TXNDC2: variants seen among roughly 807,000 people sequenced by gnomAD.
TXNDC2 encodes the protein thioredoxin domain-containing protein 2.
Under a neutral mutation model 0.4 loss-of-function variants are expected in TXNDC2, and 1 was observed. The ratio of observed to expected loss-of-function variants is 2.30; its 90% CI spans 0.82 to 10.89. The LOEUF (loss-of-function observed/expected upper bound fraction) is 10.89, where lower values mean the gene tolerates loss of function less well. Ranked by LOEUF, TXNDC2 falls within the 30% of genes most tolerant of loss-of-function variation. The pLI, the probability that TXNDC2 is intolerant of heterozygous loss-of-function variation, is 0.12. For synonymous variants in TXNDC2, 183 were observed against 224.6 expected (o/e 0.81, Z 1.66); for missense variants, 509 against 579.8 (o/e 0.88, Z 1.25).
chr18:9,887,769 G>A lies in TXNDC2; in HGVS notation c.1089G>A (p.Lys363=), dbSNP rs755242030. ...CCCTAGAAGAAGCCACCCCATCCAA[G>A]GAGGGTGACATCCTAAAGCCTGAAG... ...PKSLEEATPS[K]EGDILKPEEE... Residue 363 remains lysine, a synonymous_variant, in exon 2 of 2, where the codon AAG becomes AAA. Transcript: ENST00000357775. 4 of 1,613,814 alleles carry A rather than the reference G, an allele frequency of 2.5e-6. No homozygotes were observed. In the South Asian group the frequency reaches 4.4e-5, roughly 18 times the overall value.
Position 9,887,937 on chromosome 18 carries a change from C to A in TXNDC2, c.1257C>A (p.Ile419=). The A allele has an allele frequency of 6.2e-7, 1 of 1,614,206 alleles. No individual in the cohort carries two copies. Among genetic ancestry groups the A allele is most frequent in the Non-Finnish European group, 8.5e-7 (1 of 1,180,040 alleles). Reference sequence around the variant, plus strand: ...CGTGGTGTGGGCCCTGCAGGACCATCAGACCATTCTTCCATGCCCTGTCTG... The same window carrying A: ...CGTGGTGTGGGCCCTGCAGGACCATAAGACCATTCTTCCATGCCCTGTCTG... ...SATWCGPCRT[I]RPFFHALSVK... The change falls in exon 2 of 2, where the codon ATC becomes ATA. Residue 419 remains isoleucine, a synonymous_variant. Transcript: ENST00000357775.
intron 1 of TXNDC2, 99 bp downstream of exon 1, chr18:9,886,179 A>T (rs1317311790): frequency 6.2e-7 from 1 of 1,613,948 alleles, no homozygotes; most frequent in South Asian, 1.1e-5. Context: ...TCAGGAATGG[A>T]TGTAGACAAG....
rs747996682 is a variant in TXNDC2, at chr18:9,887,594, G to A, written c.914G>A (p.Gly305Asp). 5 of 1,602,386 alleles carry A rather than the reference G, an allele frequency of 3.1e-6. No homozygotes were observed. The Admixed American group carries it at 8.6e-5, about 28-fold the overall frequency. The change falls in exon 2 of 2, where the codon GGT becomes GAT. Residue 305 changes from glycine (G) to aspartate (D), a missense_variant. Coordinates refer to ENST00000357775, the MANE Select transcript of TXNDC2 (RefSeq NM_032243.6). ...SPEEAIQPKE[G>D]DIPKSPKQAI... Reference sequence around the variant, plus strand: ...GAAGAAGCCATCCAGCCCAAGGAGGGTGACATTCCCAAGTCTCCAAAACAA... The same window carrying A: ...GAAGAAGCCATCCAGCCCAAGGAGGATGACATTCCCAAGTCTCCAAAACAA...
At position 9,886,249 on chromosome 18, in the gene TXNDC2, C is replaced by A. The variant is rs372907176; in HGVS notation, c.-93+169C>A. ...CTGGAAAACCAGAAATGAGGCTGGG[C>A]ACTCAGGAAGAAACAAGTGAAGGTG... On this transcript the variant is annotated intron_variant, in intron 1 of 1. Coordinates refer to ENST00000357775, the MANE Select transcript of TXNDC2 (RefSeq NM_032243.6). 10 of 1,613,840 alleles carry A rather than the reference C, an allele frequency of 6.2e-6. No individual in the cohort carries two copies. In the African/African-American group the frequency reaches 1.2e-4, roughly 19 times the overall value.
Position 9,887,690 on chromosome 18 carries a change from T to G in TXNDC2, c.1010T>G (p.Ile337Ser). 6.2e-7 allele frequency: 1 copy of G among 1,612,304 alleles called. No individual in the cohort carries two copies. Among genetic ancestry groups the G allele is most frequent in the South Asian group, 1.1e-5 (1 of 90,960 alleles). The change falls in exon 2 of 2, where the codon ATC becomes AGC. Residue 337 changes from isoleucine to serine, a missense_variant. Ile to Ser is a moderately radical substitution (Grantham distance 142, BLOSUM62 -2). Coordinates refer to ENST00000357775, the MANE Select transcript of TXNDC2 (RefSeq NM_032243.6). ...EEAIPPKEID[I>S]PKSPEETIQP... ...GCCATCCCACCCAAGGAGATTGACATCCCCAAGTCCCCAGAAGAAACCATC... is the reference window on the plus strand; with the variant it reads ...GCCATCCCACCCAAGGAGATTGACAGCCCCAAGTCCCCAGAAGAAACCATC...
chr18:9,887,420 T>C lies in TXNDC2; in HGVS notation c.740T>C (p.Ile247Thr). 4.8e-6 allele frequency: 5 copies of C among 1,035,698 alleles called. No individual in the cohort carries two copies. The highest frequency in any genetic ancestry group is 6.7e-6 in the Non-Finnish European group (5 of 750,976). 64.2% of individuals were successfully genotyped at this position (1,035,698 alleles called of 1,614,324 possible). A position where few individuals can be genotyped will look rare whatever the true frequency, so the allele number is the denominator to read the frequency against. The change falls in exon 2 of 2, where the codon ATC (isoleucine) becomes ACC (threonine). Residue 247 changes from isoleucine to threonine, a missense_variant. Physicochemically the swap from Ile to Thr is moderately conservative, Grantham distance 89 (BLOSUM62 -1). Coordinates refer to ENST00000357775, the MANE Select transcript of TXNDC2 (RefSeq NM_032243.6). Reference sequence around the variant, plus strand: ...GCCATCCAGCCCAAGGAGGGTGACATCCCCAAGTCCCCAGAAGAAGCCATC... The same window carrying C: ...GCCATCCAGCCCAAGGAGGGTGACACCCCCAAGTCCCCAGAAGAAGCCATC... ...EEAIQPKEGDIPKSPEEAIQP... is the reference protein window; with the variant it reads ...EEAIQPKEGDTPKSPEEAIQP...
At position 9,887,560 on chromosome 18, in the gene TXNDC2, A is replaced by T. The variant is rs1313964177; in HGVS notation, c.880A>T (p.Lys294Ter). The T allele has an allele frequency of 3.8e-6, 6 of 1,595,424 alleles. No individual in the cohort carries two copies. Among genetic ancestry groups the T allele is most frequent in the African/African-American group, 1.4e-5 (1 of 73,848 alleles). The stretch of plus-strand genomic sequence containing the variant: ...CCAGCCCAAGAAGGGTGACATCCCC[A>T]AGTCCCCAGAAGAAGCCATCCAGCC... ...TIQPKKGDIP[K>*]SPEEAIQPKE... The change falls in exon 2 of 2, where the codon AAG (lysine) becomes TAG (stop). Residue 294 changes from lysine to a stop codon, truncating the protein, a stop_gained. Coordinates refer to ENST00000357775, the MANE Select transcript of TXNDC2 (RefSeq NM_032243.6). LOFTEE classifies it low-confidence loss of function (END_TRUNC).
chr18:9,886,422 C>T (rs944131570), intron 1 of TXNDC2, 167 bp from the exon 2 acceptor site: 89 of 954,972 alleles, frequency 9.3e-5, no homozygotes, highest in Non-Finnish European at 1.9e-5. Context: ...GTTTGTCCTT[C>T]TGCTGAATGA....
rs776922166 is a variant in TXNDC2 at position 9,887,524 on chromosome 18, G to A, written c.844G>A (p.Glu282Lys). 2.0e-6 allele frequency: 3 copies of A among 1,538,208 alleles called. No individual in the cohort carries two copies. The highest frequency in any genetic ancestry group is 1.8e-5 in the Admixed American group (1 of 55,664). The change falls in exon 2 of 2, where the codon GAA becomes AAA. Residue 282 changes from glutamate (E) to lysine (K), a missense_variant. Coordinates refer to ENST00000357775, the MANE Select transcript of TXNDC2 (RefSeq NM_032243.6). ...GGAGGGTGACATCCCCAAGTCCCCA[G>A]AAGAAACCATCCAGCCCAAGAAGGG... ...PKEGDIPKSP[E>K]ETIQPKKGDI...
At chr18:9,886,201 G>A (rs755313305) in intron 1 of TXNDC2, 121 bp downstream of exon 1, 1 of 1,614,116 alleles carries the variant, frequency 6.2e-7, no homozygotes, top group Non-Finnish European at 8.5e-7. Flanking sequence ...AACTAGGAAT[G>A]GAAAGTGTTA....
rs766424738 is a variant in TXNDC2 at position 9,887,866 on chromosome 18, C to G, written c.1186C>G (p.Leu396Val). The change falls in exon 2 of 2, where the codon CTG (leucine) becomes GTG (valine). Residue 396 changes from leucine to valine, a missense_variant. Leu to Val is a conservative substitution (Grantham distance 32). Transcript: ENST00000357775. ...ILSKEDFEAS[L>V]KEAGERLVAV... ...GAGCAAGGAGGACTTTGAGGCATCA[C>G]TGAAGGAGGCCGGGGAGAGGCTGGT... 7.4e-6 allele frequency: 12 copies of G among 1,610,920 alleles called. No individual in the cohort carries two copies. The highest frequency in any genetic ancestry group is 1.0e-5 in the Non-Finnish European group (12 of 1,177,962).
At position 9,886,072 on chromosome 18, in the gene TXNDC2, C is replaced by T. The variant is rs182853845; in HGVS notation, c.-101C>T. On this transcript the variant is annotated 5_prime_UTR_variant, in exon 1 of 2. Coordinates refer to ENST00000357775, the MANE Select transcript of TXNDC2 (RefSeq NM_032243.6). Reference sequence around the variant, plus strand: ...AGAGGGAAAACCAACTGTAACGTGCCACCCAAATGTAAGTTTTACTCATAT... The same window carrying T: ...AGAGGGAAAACCAACTGTAACGTGCTACCCAAATGTAAGTTTTACTCATAT... The T allele has an allele frequency of 6.7e-6, 6 of 901,978 alleles. No homozygotes were observed. The Admixed American group carries it at 1.2e-4, about 18-fold the overall frequency. The allele number at this position is 901,978 out of a possible 1,614,324, so 55.9% of individuals were successfully genotyped here.
At position 9,887,812 on chromosome 18, in the gene TXNDC2, C is replaced by T. The variant is rs757510482; in HGVS notation, c.1132C>T (p.Pro378Ser). Residue 378 changes from proline to serine, a missense_variant, in exon 2 of 2, where the codon CCG becomes TCG. By Grantham distance (74) the Pro-to-Ser change is moderately conservative. Around this residue, in one of 5 missense-constraint regions of TXNDC2, gnomAD observed 229 missense variants for 243.8 expected, o/e 0.94. Coordinates refer to ENST00000357775, the MANE Select transcript of TXNDC2 (RefSeq NM_032243.6). ...GCCTGAAGAAGAAACAATGGAGTTC[C>T]CGGAGGGGGACAAGGTGAAAGTGAT... ...LKPEEETMEF[P>S]EGDKVKVILS... The T allele has an allele frequency of 1.1e-4, 171 of 1,611,346 alleles. No individual in the cohort carries two copies. The highest frequency in any genetic ancestry group is 1.4e-4 in the Non-Finnish European group (164 of 1,178,688).
chr18:9,886,390 A>T, intron 1 of TXNDC2, 199 bp from the exon 2 acceptor site: 2 of 1,071,562 alleles, frequency 1.9e-6, no homozygotes, highest in Non-Finnish European at 2.7e-6. Flanking sequence ...ATGTATACAG[A>T]AGATACGTGT....
chr18:9,886,620 G>A lies in TXNDC2; in HGVS notation c.-61G>A. 6.2e-7 allele frequency: 1 copy of A among 1,613,478 alleles called. No individual in the cohort carries two copies. The highest frequency in any genetic ancestry group is 8.5e-7 in the Non-Finnish European group (1 of 1,179,794). On this transcript the variant is annotated 5_prime_UTR_variant, in exon 2 of 2. Coordinates refer to ENST00000357775, the MANE Select transcript of TXNDC2 (RefSeq NM_032243.6). ...CATTACTAGTCCTGTCCAGCAACGT[G>A]CCTCTCCTGGCCCTAGAGTTCTTGG...
rs529675281 is a variant in TXNDC2, at chr18:9,888,899, C to G, written c.*758C>G. On this transcript the variant is annotated 3_prime_UTR_variant, in exon 2 of 2. Coordinates refer to ENST00000357775, the MANE Select transcript of TXNDC2 (RefSeq NM_032243.6). Reference sequence around the variant, plus strand: ...TTGAGTTCATAATACCTAGACCTTCCTCTGACTTTTTTACTTAAATTTGTT... The same window carrying G: ...TTGAGTTCATAATACCTAGACCTTCGTCTGACTTTTTTACTTAAATTTGTT... 1.6e-4 allele frequency: 25 copies of G among 152,248 alleles called. No homozygotes were observed. Among genetic ancestry groups the G allele is most frequent in the African/African-American group, 6.0e-4 (25 of 41,552 alleles). 9.4% of individuals were successfully genotyped at this position (152,248 alleles called of 1,614,324 possible).
In TXNDC2 at chr18:9,887,384, C is replaced by A; in HGVS notation, c.704C>A (p.Ser235Tyr). ...CCCAAGGAGGGTGACCTCCCCAAGTCCCTAGAGGAAGCCATCCAGCCCAAG... is the reference window on the plus strand; with the variant it reads ...CCCAAGGAGGGTGACCTCCCCAAGTACCTAGAGGAAGCCATCCAGCCCAAG... ...IQPKEGDLPKSLEEAIQPKEG... is the reference protein window; with the variant it reads ...IQPKEGDLPKYLEEAIQPKEG... Residue 235 changes from serine (S) to tyrosine (Y), a missense_variant, in exon 2 of 2, where the codon TCC becomes TAC. Ser to Tyr is a moderately radical substitution (Grantham distance 144, BLOSUM62 -2). Coordinates refer to ENST00000357775, the MANE Select transcript of TXNDC2 (RefSeq NM_032243.6). 2.0e-6 allele frequency: 3 copies of A among 1,489,010 alleles called. No homozygotes were observed. The highest frequency in any genetic ancestry group is 1.8e-6 in the Non-Finnish European group (2 of 1,095,056). 92.2% of individuals were successfully genotyped at this position (1,489,010 alleles called of 1,614,324 possible).
At chr18:9,886,320 T>A in intron 1 of TXNDC2, 2 of 1,579,942 alleles carry the variant, frequency 1.3e-6, no homozygotes, top group Non-Finnish European at 1.7e-6. Flanking sequence ...CTTAAAGACC[T>A]ATGCAGTTAG....
rs2068954525 is a variant in TXNDC2 at position 9,886,895 on chromosome 18, A to T, written c.215A>T (p.Glu72Val). 6.2e-7 allele frequency: 1 copy of T among 1,606,420 alleles called. No homozygotes were observed. Among genetic ancestry groups the T allele is most frequent in the Non-Finnish European group, 8.5e-7 (1 of 1,175,484 alleles). Residue 72 changes from glutamate to valine, a missense_variant, in exon 2 of 2, where the codon GAA becomes GTA. By Grantham distance (121) the Glu-to-Val change is moderately radical (BLOSUM62 -2). Coordinates refer to ENST00000357775, the MANE Select transcript of TXNDC2 (RefSeq NM_032243.6). ...SKKEDLPKSSEKAIQPKESNI... is the reference protein window; with the variant it reads ...SKKEDLPKSSVKAIQPKESNI... ...AAGGAGGACCTCCCCAAGTCCTCAG[A>T]AAAAGCCATCCAGCCCAAAGAGAGT...
Sources: allele counts gnomAD v4.1 joint callset, GRCh38; gene constraint gnomAD v4.1.1; regional missense constraint gnomAD v4.1.1; transcripts MANE v1.5; gene names NCBI Gene and HGNC (gene_info 2026-07-23, HGNC 2026-07-21).